The following RBX1 variants were observed in gnomAD, a reference collection of about 807,000 sequenced individuals.
RBX1 encodes the protein ring-box 1, also known as E3 ubiquitin-protein ligase RBX1.
For synonymous variants in RBX1, 48 were observed against 47.9 expected, an observed-to-expected ratio of 1.00 and a Z score of -0.01; for missense variants, 46 against 141.4, an observed-to-expected ratio of 0.33 and a Z score of 3.42.
At chr22:40,962,691 T>C (rs944577760) in intron 2 of RBX1, among the ~76,000 whole-genome samples, 2 of 149,690 alleles carry the variant, frequency 1.3e-5, no homozygotes, top group African/African-American at 4.9e-5. Context: ...TTTATTTTTA[T>C]TTTTATTTAT....
chr22:40,953,684 T>A (rs760532244), intron 2 of RBX1, 51 bp downstream of exon 2: 1 of 1,298,124 alleles, frequency 7.7e-7, no homozygotes, highest in South Asian at 1.2e-5. Context: ...GCAGAGATTG[T>A]GGCTATCTTG....
intron 3 of RBX1, 136 bp downstream of exon 3, chr22:40,964,253 A>G: frequency 1.6e-6 from 1 of 632,010 alleles, no homozygotes; most frequent in Non-Finnish European, 2.8e-6. Flanking sequence ...ATAGTAAAAA[A>G]GATTTTAAAT....
chr22:40,969,040 A>G (rs979631850), intron 4 of RBX1, among the ~76,000 whole-genome samples: 5 of 152,114 alleles, frequency 3.3e-5, no homozygotes, highest in African/African-American at 4.8e-5. Context: ...CTGGCCAGGC[A>G]CGGTGGCTCA....
At chr22:40,954,614 G>A (rs949403506) in intron 2 of RBX1, among the ~76,000 whole-genome samples, 1 of 152,064 alleles carries the variant, frequency 6.6e-6, no homozygotes, top group Non-Finnish European at 1.5e-5. Context: ...GGCCAGAAAT[G>A]GAGGAAAGAA....
intron 2 of RBX1, among the ~76,000 whole-genome samples, chr22:40,955,609 A>G (rs1257791257): frequency 6.6e-6 from 1 of 152,226 alleles, no homozygotes; most frequent in Non-Finnish European, 1.5e-5. Flanking sequence ...CAGACTAGCC[A>G]CATTTCAAGT....
At chr22:40,966,725 T>C (rs928400895) in intron 3 of RBX1, 1 of 152,218 alleles carries the variant, frequency 6.6e-6, no homozygotes, top group African/African-American at 2.4e-5. Context: ...CATACATACT[T>C]TGGGAGACGT....
At chr22:40,969,266 C>T (rs759038786) in intron 4 of RBX1, among the ~76,000 whole-genome samples, 6 of 152,158 alleles carry the variant, frequency 3.9e-5, no homozygotes, top group Admixed American at 6.6e-5. Flanking sequence ...GGGCTGAGAT[C>T]GCACCATCGC....
chr22:40,963,917 G>A, intron 2 of RBX1, 130 bp from the exon 3 acceptor site: 1 of 687,850 alleles, frequency 1.5e-6, no homozygotes, highest in Non-Finnish European at 2.6e-6. Flanking sequence ...TGTCTTCTCT[G>A]TTCTTCCTTT....
At chr22:40,963,589 T>C in intron 2 of RBX1, among the ~76,000 whole-genome samples, 1 of 152,172 alleles carries the variant, frequency 6.6e-6, no homozygotes, top group East Asian at 1.9e-4. Flanking sequence ...TGAGCCAAGA[T>C]TGTGCTATTG....
At chr22:40,959,568 T>G (rs1220647595) in intron 2 of RBX1, among the ~76,000 whole-genome samples, 2 of 152,232 alleles carry the variant, frequency 1.3e-5, no homozygotes, top group African/African-American at 4.8e-5. Context: ...CCCAGTACTT[T>G]GGGAGGCCAG....
At chr22:40,964,348 AT>A (rs1261354278) in intron 3 of RBX1, 4 of 391,716 alleles carry the variant, frequency 1.0e-5, no homozygotes, top group African/African-American at 4.1e-5. Flanking sequence ...AGTGGACCCA[AT>A]TTTGTTAGCA....
Position 40,958,970 on chromosome 22 carries a change from T to C in RBX1, c.158-5077T>C, listed in dbSNP as rs1289840387. Among the ~76,000 whole-genome samples the C allele has an allele frequency of 2.0e-5, 3 of 152,178 alleles. No individual in the cohort carries two copies. The East Asian group carries it at 5.8e-4, about 29-fold the overall frequency. ...CTGAGACTGCAGGTATGCACCAGCA[T>C]GCCCAGCTAATTTTTGTATTTTTAG... On this transcript the variant is annotated intron_variant, in intron 2 of 4. Coordinates refer to ENST00000216225, the MANE Select transcript of RBX1 (RefSeq NM_014248.4).
chr22:40,951,506 A>G lies in RBX1; in HGVS notation c.78+30A>G, dbSNP rs748036841. The G allele has an allele frequency of 1.9e-6, 3 of 1,605,986 alleles. No homozygotes were observed. In the East Asian group the frequency reaches 6.7e-5, roughly 36 times the overall value. ...GGTCTCGCCAGCGCCTTCCTCAGGG[A>G]AGCTAGAGAGGCGCGGATCTGGCTG... On this transcript the variant is annotated intron_variant, in intron 1 of 4. Coordinates refer to ENST00000216225, the MANE Select transcript of RBX1 (RefSeq NM_014248.4).
intron 3 of RBX1, 98 bp downstream of exon 3, chr22:40,964,215 G>A: frequency 5.7e-6 from 5 of 873,138 alleles, no homozygotes; most frequent in Non-Finnish European, 9.4e-6. Context: ...AAAATGACTA[G>A]TCCACCTTTC....
chr22:40,953,139 C>T (rs1033239926), intron 1 of RBX1, among the ~76,000 whole-genome samples: 2 of 151,988 alleles, frequency 1.3e-5, no homozygotes, highest in African/African-American at 2.4e-5. Context: ...TATAGACACC[C>T]GCCACCAGGC....
At chr22:40,962,088 A>G (rs5751014) in intron 2 of RBX1, among the ~76,000 whole-genome samples, 1 of 151,574 alleles carries the variant, frequency 6.6e-6, no homozygotes, top group Non-Finnish European at 1.5e-5. Context: ...CCAGCCTTTT[A>G]TGGTTTGTTT....
intron 1 of RBX1, among the ~76,000 whole-genome samples, chr22:40,952,320 C>G (rs917042007): frequency 2.6e-5 from 4 of 152,284 alleles, no homozygotes; most frequent in Middle Eastern, 3.4e-3. Context: ...AGTATCGATT[C>G]TCACCTAACA....
chr22:40,967,641 C>A, intron 3 of RBX1, 158 bp from the exon 4 acceptor site: 1 of 563,762 alleles, frequency 1.8e-6, no homozygotes, highest in Non-Finnish European at 3.2e-6. Context: ...TGCATCTAAC[C>A]AAGATATAAT....
intron 2 of RBX1, among the ~76,000 whole-genome samples, chr22:40,960,422 T>C (rs1483591248): frequency 6.6e-6 from 1 of 151,930 alleles, no homozygotes; most frequent in Non-Finnish European, 1.5e-5. Context: ...TTGAGAGTGA[T>C]AGGAGGAGGA....
Sources: allele counts gnomAD v4.1 joint callset (sites outside exome capture counted in the v4.1 genomes callset), GRCh38; gene constraint gnomAD v4.1.1; transcripts MANE v1.5; gene names NCBI Gene and HGNC (gene_info 2026-07-23, HGNC 2026-07-21).